MAP3K7CL: variants seen among roughly 807,000 people sequenced by gnomAD.
MAP3K7CL encodes MAP3K7 C-terminal-like protein.
MAP3K7CL carries 16 observed loss-of-function variants against 18.6 expected under a neutral mutation model. That is an observed-to-expected ratio of 0.86 (90% confidence interval 0.58 to 1.31). MAP3K7CL has a LOEUF of 1.31. MAP3K7CL is among the 50% of genes most tolerant of loss of function. The pLI is 0.00. For synonymous variants in MAP3K7CL, 65 were observed against 66.8 expected, an observed-to-expected ratio of 0.97 and a Z score of 0.13; for missense variants, 163 against 174.4, an observed-to-expected ratio of 0.93 and a Z score of 0.37.
intron 4 of MAP3K7CL, among the ~76,000 whole-genome samples, chr21:29,104,760 T>C (rs1002486932): frequency 1.3e-5 from 2 of 152,220 alleles, no homozygotes; most frequent in Non-Finnish European, 2.9e-5. Flanking sequence ...GCGCTTGCTA[T>C]GAACCACAGC....
chr21:29,165,447 C>T (rs1204306224), intron 4 of MAP3K7CL, among the ~76,000 whole-genome samples: 1 of 152,174 alleles, frequency 6.6e-6, no homozygotes, highest in East Asian at 1.9e-4. Context: ...AAGCAGGGTA[C>T]ACTGTACACA....
intron 4 of MAP3K7CL, among the ~76,000 whole-genome samples, chr21:29,163,263 G>T (rs1039490250): frequency 2.0e-5 from 3 of 152,196 alleles, no homozygotes; most frequent in Non-Finnish European, 4.4e-5. Context: ...GTGTGTTTCT[G>T]CAGAACTCAT....
intron 2 of MAP3K7CL, among the ~76,000 whole-genome samples, chr21:29,148,462 C>T (rs1298039602): frequency 6.6e-6 from 1 of 152,120 alleles, no homozygotes. Context: ...ATATTTTGGT[C>T]AGGTTTCCTC....
At chr21:29,173,054 A>G (rs2087881371) in intron 4 of MAP3K7CL, among the ~76,000 whole-genome samples, 1 of 152,182 alleles carries the variant, frequency 6.6e-6, no homozygotes, top group Non-Finnish European at 1.5e-5. Flanking sequence ...TAGTATTTGC[A>G]TGTATTTTAT....
At chr21:29,130,559 C>T (rs2146618429), upstream of MAP3K7CL, 1 of 978,514 alleles carries the variant, frequency 1.0e-6, no homozygotes, top group Non-Finnish European at 1.2e-6. Flanking sequence ...TGAATTAAAA[C>T]ATTTGGACTC....
rs2086626058 is a variant in MAP3K7CL at position 29,123,122 on chromosome 21, G to A, written c.371-26067G>A. Among the ~76,000 whole-genome samples, 3 of 146,354 alleles carry A rather than the reference G, an allele frequency of 2.0e-5. No individual in the cohort carries two copies. The Admixed American group carries it at 2.1e-4, about 10-fold the overall frequency. On this transcript the variant is annotated intron_variant, in intron 4 of 6. Transcript: ENST00000286791. Reference sequence around the variant, plus strand: ...TTGTTGCCCAGGCTGAAGTGCAATGGCGTGATCTTGGCTCACTGCAACCTC... The same window carrying A: ...TTGTTGCCCAGGCTGAAGTGCAATGACGTGATCTTGGCTCACTGCAACCTC...
intron 1 of MAP3K7CL, among the ~76,000 whole-genome samples, chr21:29,080,394 G>T (rs1568922681): frequency 6.6e-6 from 1 of 152,266 alleles, no homozygotes; most frequent in Non-Finnish European, 1.5e-5. Flanking sequence ...TCTGCCATAA[G>T]CCCCTAAGGC....
chr21:29,144,200 T>G (rs2087074072), intron 2 of MAP3K7CL, among the ~76,000 whole-genome samples: 1 of 150,532 alleles, frequency 6.6e-6, no homozygotes, highest in Non-Finnish European at 1.5e-5. Context: ...CAGGCTGGAG[T>G]GCAAGCAGGG....
At chr21:29,106,860 C>T in intron 4 of MAP3K7CL, among the ~76,000 whole-genome samples, 1 of 152,214 alleles carries the variant, frequency 6.6e-6, no homozygotes, top group East Asian at 1.9e-4. Context: ...CTTGTCTATT[C>T]TGCCAGTCCT....
chr21:29,146,910 G>A (rs2087140051), intron 2 of MAP3K7CL, among the ~76,000 whole-genome samples: 9 of 152,148 alleles, frequency 5.9e-5, no homozygotes, highest in Admixed American at 5.9e-4. Context: ...CAATGCCTTA[G>A]ATGCCAGAAA....
At chr21:29,162,683 CAA>C (rs34759620) in intron 4 of MAP3K7CL, among the ~76,000 whole-genome samples, 1,845 of 122,440 alleles carry the variant, frequency 0.015, 31 homozygotes, top group African/African-American at 0.048. Flanking sequence ...AACTCTGTCT[CAA>C]AAAAAAAAAA....
upstream of MAP3K7CL, chr21:29,130,357 GA>G (rs2086755997): frequency 6.6e-6 from 1 of 152,552 alleles, no homozygotes; most frequent in Non-Finnish European, 1.5e-5. Flanking sequence ...TATCATCTGA[GA>G]GTCAGCCTGT....
At chr21:29,089,380 A>G (rs1470348289) in intron 1 of MAP3K7CL, among the ~76,000 whole-genome samples, 1 of 151,904 alleles carries the variant, frequency 6.6e-6, no homozygotes, top group East Asian at 1.9e-4. Context: ...AGTGTTTGAT[A>G]AAGTAAAAAT....
intron 4 of MAP3K7CL, among the ~76,000 whole-genome samples, chr21:29,104,014 A>G (rs563808530): frequency 2.0e-5 from 3 of 152,198 alleles, no homozygotes; most frequent in African/African-American, 2.4e-5. Flanking sequence ...GAAACTGACA[A>G]TGCTTTAATT....
chr21:29,109,315 T>C, intron 4 of MAP3K7CL: 1 of 1,450,370 alleles, frequency 6.9e-7, no homozygotes, highest in Non-Finnish European at 9.1e-7. Flanking sequence ...AATGCCATGA[T>C]CACTATTCCT....
upstream of MAP3K7CL, among the ~76,000 whole-genome samples, chr21:29,081,765 A>G (rs565229689): frequency 1.1e-4 from 17 of 152,340 alleles, no homozygotes; most frequent in South Asian, 3.3e-3. Context: ...TCCTCAGACC[A>G]TTGTTTTATG....
intron 4 of MAP3K7CL, among the ~76,000 whole-genome samples, chr21:29,118,313 G>T (rs956017016): frequency 3.5e-5 from 5 of 144,904 alleles, no homozygotes; most frequent in Non-Finnish European, 4.5e-5. Flanking sequence ...TTGAACTCCT[G>T]ACCTCAGGTG....
chr21:29,120,290 G>A (rs1426714059), intron 4 of MAP3K7CL, among the ~76,000 whole-genome samples: 1 of 151,964 alleles, frequency 6.6e-6, no homozygotes, highest in Non-Finnish European at 1.5e-5. Flanking sequence ...CCAATGAAAA[G>A]GTATCTCCTA....
chr21:29,099,841 T>C (rs1329520830), intron 4 of MAP3K7CL, among the ~76,000 whole-genome samples: 6 of 151,862 alleles, frequency 4.0e-5, no homozygotes, highest in Non-Finnish European at 2.9e-5. Context: ...CCCAGCACTT[T>C]GGGAGGCCGA....
Sources: gnomAD v4.1 joint callset for allele counts (sites outside exome capture counted in the v4.1 genomes callset) on GRCh38, gnomAD v4.1.1 for gene constraint, MANE v1.5 for transcripts, NCBI Gene and HGNC (gene_info 2026-07-23, HGNC 2026-07-21) for gene names.